The following CDH18 variants were observed in gnomAD, a reference collection of about 807,000 sequenced individuals.
CDH18 encodes cadherin 18, also known as cadherin-18.
CDH18 carries 31 observed loss-of-function variants against 67.9 expected under a neutral mutation model. That is an observed-to-expected ratio of 0.46 (90% CI 0.34 to 0.62). CDH18 has a LOEUF of 0.62. Ranked by LOEUF, CDH18 falls within the 20% of genes least tolerant of loss-of-function variation. The pLI, the probability that CDH18 is intolerant of heterozygous loss-of-function variation, is 0.01. For missense variants in CDH18, 890 were observed against 975.5 expected (o/e 0.91, Z 1.17); for synonymous variants, 362 against 347.2 (o/e 1.04, Z -0.48).
At chr5:20,521,852 ATGT>A (rs1755761780) in intron 1 of CDH18, among the ~76,000 whole-genome samples, 1 of 152,070 alleles carries the variant, frequency 6.6e-6, no homozygotes, top group Non-Finnish European at 1.5e-5. Context: ...TCCAATAAAA[ATGT>A]TTTTTGACAG....
intron 9 of CDH18, among the ~76,000 whole-genome samples, chr5:19,530,292 G>T (rs982191862): frequency 1.3e-5 from 2 of 151,736 alleles, no homozygotes; most frequent in African/African-American, 4.8e-5. Flanking sequence ...GGAAACCATA[G>T]ATATAAATAT....
chr5:19,908,277 T>G (rs1291759326), intron 2 of CDH18, among the ~76,000 whole-genome samples: 2 of 152,082 alleles, frequency 1.3e-5, no homozygotes, highest in African/African-American at 4.8e-5. Context: ...AATTTTGGCG[T>G]GTTATAGTAT....
At chr5:20,045,561 T>C (rs1740823631) in intron 2 of CDH18, among the ~76,000 whole-genome samples, 2 of 151,032 alleles carry the variant, frequency 1.3e-5, no homozygotes, top group Admixed American at 1.3e-4. Flanking sequence ...ACTAAGGTCA[T>C]GCAAAAATAG....
intron 2 of CDH18, among the ~76,000 whole-genome samples, chr5:20,006,590 G>A (rs927624231): frequency 3.3e-5 from 5 of 151,810 alleles, no homozygotes; most frequent in South Asian, 2.1e-4. Context: ...TTGATTTTCC[G>A]GTTTTCTACT....
chr5:19,622,373 T>C (rs897312384), intron 5 of CDH18, among the ~76,000 whole-genome samples: 4 of 152,194 alleles, frequency 2.6e-5, no homozygotes, highest in African/African-American at 9.6e-5. Flanking sequence ...TAGGATCTTC[T>C]CTCTGTAGAG....
intron 1 of CDH18, among the ~76,000 whole-genome samples, chr5:20,490,884 A>C (rs1336166923): frequency 6.6e-6 from 1 of 152,160 alleles, no homozygotes; most frequent in African/African-American, 2.4e-5. Context: ...AGCTCTTCTC[A>C]TAATTACCTT....
At chr5:19,824,811 G>A (rs997891727) in intron 3 of CDH18, among the ~76,000 whole-genome samples, 2 of 152,150 alleles carry the variant, frequency 1.3e-5, no homozygotes, top group Admixed American at 1.3e-4. Flanking sequence ...CCTGCAACTG[G>A]TAGCTGTGTG....
chr5:20,305,070 T>G, intron 1 of CDH18: 1 of 1,595,710 alleles, frequency 6.3e-7, no homozygotes, highest in Admixed American at 1.7e-5. Flanking sequence ...GATTTGAAAC[T>G]TTTTTATCAA....
chr5:19,998,094 T>A (rs1042316302), intron 2 of CDH18, among the ~76,000 whole-genome samples: 5 of 152,158 alleles, frequency 3.3e-5, no homozygotes, highest in South Asian at 2.1e-4. Context: ...ATTGGTGATT[T>A]AAACCAGGAT....
At chr5:20,519,099 T>C (rs1403062940) in intron 1 of CDH18, among the ~76,000 whole-genome samples, 1 of 152,196 alleles carries the variant, frequency 6.6e-6, no homozygotes, top group Non-Finnish European at 1.5e-5. Flanking sequence ...TTACGGATGA[T>C]TGAAAAATTT....
chr5:19,499,211 G>T (rs759692193), intron 11 of CDH18, among the ~76,000 whole-genome samples: 2 of 152,074 alleles, frequency 1.3e-5, no homozygotes, highest in African/African-American at 4.8e-5. Flanking sequence ...ACATTATTAT[G>T]CCACATTTGT....
intron 3 of CDH18, among the ~76,000 whole-genome samples, chr5:19,817,017 G>T (rs1779360687): frequency 6.6e-6 from 1 of 151,662 alleles, no homozygotes; most frequent in Admixed American, 6.6e-5. Flanking sequence ...AGAATTAATA[G>T]GGCTGATAAG....
At position 20,064,949 on chromosome 5, in the gene CDH18, C is replaced by T. The variant is rs1238373566; in HGVS notation, c.-517-72935G>A. ...AGTTTGATATACATTAACTTTATCA[C>T]TGGGAGTAAGTTTCTCATGCACCAG... On this transcript the variant is annotated intron_variant, in intron 2 of 14. Transcript: ENST00000507958. 3.9e-5 allele frequency among the ~76,000 whole-genome samples: 6 copies of T among 151,930 alleles called. No homozygotes were observed. The East Asian group carries it at 5.8e-4, about 15-fold the overall frequency.
intron 2 of CDH18, among the ~76,000 whole-genome samples, chr5:20,241,748 A>T (rs1742913835): frequency 6.6e-6 from 1 of 151,278 alleles, no homozygotes; most frequent in East Asian, 1.9e-4. Flanking sequence ...GCTACTCGGG[A>T]GGCTGAAGCA....
intron 1 of CDH18, among the ~76,000 whole-genome samples, chr5:20,365,373 A>T (rs1742425775): frequency 6.6e-6 from 1 of 152,146 alleles, no homozygotes; most frequent in Non-Finnish European, 1.5e-5. Context: ...GCTTCAACAT[A>T]GACATTTGAG....
At chr5:19,961,104 T>A (rs929203388) in intron 2 of CDH18, among the ~76,000 whole-genome samples, 31 of 137,954 alleles carry the variant, frequency 2.2e-4, no homozygotes, top group Admixed American at 2.1e-3. Flanking sequence ...ATTATAATTT[T>A]TTTTTTTTTT....
chr5:19,586,498 G>A (rs957591160), intron 7 of CDH18, among the ~76,000 whole-genome samples: 3 of 152,076 alleles, frequency 2.0e-5, no homozygotes, highest in Non-Finnish European at 2.9e-5. Flanking sequence ...CTAAATAATG[G>A]CCTTCAACTC....
chr5:20,443,327 G>A lies in CDH18; in HGVS notation c.-580+132135C>T, dbSNP rs1015567756. On this transcript the variant is annotated intron_variant, in intron 1 of 14. Coordinates refer to the CDH18 transcript ENST00000507958. ...TCTTGCTTTAAGAGATACATCCATC[G>A]TAAATGGTAAAACTATGTTTGGTAT... Among the ~76,000 whole-genome samples the A allele has an allele frequency of 2.2e-4, 33 of 151,232 alleles. 1 individual carries two copies. The highest frequency in any genetic ancestry group is 3.9e-4 in the African/African-American group (16 of 40,944).
intron 2 of CDH18, among the ~76,000 whole-genome samples, chr5:20,149,094 C>T (rs999158213): frequency 6.6e-6 from 1 of 152,112 alleles, no homozygotes; most frequent in East Asian, 1.9e-4. Context: ...ACCTCTTCTT[C>T]TCAAAGGATT....
Sources: gnomAD v4.1 joint callset for allele counts (sites outside exome capture counted in the v4.1 genomes callset) on GRCh38, gnomAD v4.1.1 for gene constraint, MANE v1.5 for transcripts, NCBI Gene and HGNC (gene_info 2026-07-23, HGNC 2026-07-21) for gene names.